DOCK8: variants seen among roughly 807,000 people sequenced by gnomAD.
The protein encoded by DOCK8 is dedicator of cytokinesis protein 8.
A neutral mutation model predicts 245.6 loss-of-function variants in DOCK8; 141 were observed. The ratio of observed to expected loss-of-function variants is 0.57; its 90% CI spans 0.50 to 0.66. DOCK8 has a LOEUF of 0.66. Among genes scored for constraint, DOCK8 ranks in the 30% least tolerant of loss-of-function variants. The probability of loss-of-function intolerance (pLI) is 0.00; values close to 1 mark genes in which losing one functional copy is unlikely to be tolerated. For missense variants in DOCK8, 2,965 were observed against 2,603.4 expected (o/e 1.14, Z -3.02); for synonymous variants, 1,168 against 970.2 (o/e 1.20, Z -3.79).
At chr9:309,694 A>C (rs1212729200) in intron 5 of DOCK8, among the ~76,000 whole-genome samples, 2 of 152,186 alleles carry the variant, frequency 1.3e-5, no homozygotes, top group Admixed American at 1.3e-4. Flanking sequence ...TTGTTGCTTC[A>C]TCCAATAACT....
At chr9:228,023 G>A (rs542481326) in intron 1 of DOCK8, among the ~76,000 whole-genome samples, 1 of 152,236 alleles carries the variant, frequency 6.6e-6, no homozygotes, top group South Asian at 2.1e-4. Context: ...AGCAGTTTTA[G>A]CGGAGCTGTG....
intron 2 of DOCK8, among the ~76,000 whole-genome samples, chr9:277,528 GAGACCCTGTCTCAGAGGAAA>G (rs2048408000): frequency 4.7e-5 from 7 of 148,552 alleles, no homozygotes; most frequent in African/African-American, 1.6e-4. Context: ...GAAGAGTTAG[GAGACCCTGTCTCAGAGGAAA>G]GGAGGGGAGG....
intron 14 of DOCK8, among the ~76,000 whole-genome samples, chr9:342,516 C>T (rs1297670305): frequency 6.6e-6 from 1 of 151,110 alleles, no homozygotes; most frequent in Non-Finnish European, 1.5e-5. Flanking sequence ...GTCACCCAGG[C>T]TGGAGTGCAG....
At chr9:369,958 C>T (rs1323387175) in intron 15 of DOCK8, 17 of 466,166 alleles carry the variant, frequency 3.6e-5, no homozygotes, top group East Asian at 3.0e-4. Flanking sequence ...TGTGCCACCA[C>T]GCCTGGCTAA....
intron 26 of DOCK8, among the ~76,000 whole-genome samples, chr9:400,662 CCACCAGCATCTT>C (rs1413208479): frequency 9.3e-6 from 1 of 107,924 alleles, no homozygotes; most frequent in Non-Finnish European, 1.7e-5. Context: ...ACCTCCACCA[CCACCAGCATCTT>C]CACCATCACC....
At chr9:414,230 C>A (rs10758549) in intron 28 of DOCK8, among the ~76,000 whole-genome samples, 64,490 of 151,962 alleles carry the variant, frequency 0.42, 14,263 homozygotes, top group African/African-American at 0.54. Context: ...CTTGTATACA[C>A]ATACTCATAG....
chr9:365,566 A>G (rs2052944880), intron 14 of DOCK8: 1 of 453,062 alleles, frequency 2.2e-6, no homozygotes, highest in African/African-American at 2.1e-5. Context: ...TTATCTGTTC[A>G]GAGAAGGCTT....
intron 39 of DOCK8, among the ~76,000 whole-genome samples, chr9:437,741 T>G (rs968618832): frequency 1.3e-5 from 2 of 152,246 alleles, no homozygotes; most frequent in African/African-American, 4.8e-5. Flanking sequence ...TTGAGGTCAC[T>G]GAATTCCAGG....
chr9:434,005 C>A, intron 38 of DOCK8, 30 bp downstream of exon 38: 1 of 1,508,634 alleles, frequency 6.6e-7, no homozygotes, highest in Non-Finnish European at 9.2e-7. Context: ...TCAAGGGACA[C>A]CATTTGGGGG....
chr9:243,874 C>T (rs537276601), intron 1 of DOCK8, among the ~76,000 whole-genome samples: 1 of 152,184 alleles, frequency 6.6e-6, no homozygotes, highest in South Asian at 2.1e-4. Flanking sequence ...TACTCCTCAT[C>T]TTATTGACAT....
intron 1 of DOCK8, among the ~76,000 whole-genome samples, chr9:229,495 G>C (rs1017171691): frequency 1.3e-5 from 2 of 152,172 alleles, no homozygotes; most frequent in South Asian, 2.1e-4. Context: ...TTGCAGAGCT[G>C]TCTGGTCCAG....
chr9:430,653 G>T lies in DOCK8; in HGVS notation c.4626+799G>T, dbSNP rs894472258. On this transcript the variant is annotated intron_variant, in intron 36 of 47. Transcript: ENST00000432829. ...GCCAAGATTGTGCCACTGTATTCCAGCCTGAGACCCTGTCTCAAAAAAAAA... is the reference window on the plus strand; with the variant it reads ...GCCAAGATTGTGCCACTGTATTCCATCCTGAGACCCTGTCTCAAAAAAAAA... 2.1e-5 allele frequency among the ~76,000 whole-genome samples: 3 copies of T among 144,818 alleles called. No individual in the cohort carries two copies. In the Admixed American group the frequency reaches 2.2e-4, roughly 10 times the overall value.
intron 20 of DOCK8, among the ~76,000 whole-genome samples, chr9:378,604 G>T (rs1278679130): frequency 1.3e-5 from 2 of 152,212 alleles, no homozygotes; most frequent in Non-Finnish European, 2.9e-5. Flanking sequence ...ATTACTTTCT[G>T]TGCCCCCGCA....
At chr9:316,018 A>C (rs1336114992) in intron 6 of DOCK8, among the ~76,000 whole-genome samples, 2 of 152,312 alleles carry the variant, frequency 1.3e-5, no homozygotes, top group African/African-American at 4.8e-5. Context: ...AACATGGCCA[A>C]CCGCCGTAAC....
chr9:328,275 C>T (rs2050854240), intron 9 of DOCK8, 104 bp downstream of exon 9: 1 of 1,378,092 alleles, frequency 7.3e-7, no homozygotes, highest in South Asian at 1.2e-5. Flanking sequence ...TCCACATATC[C>T]TCTGAGATTC....
chr9:252,347 C>T (rs889642818), intron 1 of DOCK8, among the ~76,000 whole-genome samples: 3 of 151,992 alleles, frequency 2.0e-5, no homozygotes, highest in African/African-American at 7.2e-5. Flanking sequence ...GTCACTCCAC[C>T]ATATGTTTAG....
intron 2 of DOCK8, chr9:277,013 T>C (rs1459436223): frequency 6.2e-6 from 2 of 321,342 alleles, no homozygotes; most frequent in South Asian, 2.2e-5. Context: ...TTCTCCATGT[T>C]GTCCAGGCTG....
intron 2 of DOCK8, among the ~76,000 whole-genome samples, chr9:276,583 T>G (rs1401430577): frequency 6.6e-6 from 1 of 152,192 alleles, no homozygotes; most frequent in African/African-American, 2.4e-5. Context: ...CCAGGTCTAT[T>G]TGACACTCCT....
chr9:353,052 G>C (rs2052253177), intron 14 of DOCK8, among the ~76,000 whole-genome samples: 1 of 152,142 alleles, frequency 6.6e-6, no homozygotes. Flanking sequence ...CACTATGCTT[G>C]GTGCTGAAAT....
Sources: allele counts gnomAD v4.1 joint callset (sites outside exome capture counted in the v4.1 genomes callset), GRCh38; gene constraint gnomAD v4.1.1; transcripts MANE v1.5; gene names NCBI Gene and HGNC (gene_info 2026-07-23, HGNC 2026-07-21).